The following PRKG1 variants were observed in gnomAD, a reference collection of about 807,000 sequenced individuals.
PRKG1 encodes the protein protein kinase cGMP-dependent 1, also known as cGMP-dependent protein kinase 1.
PRKG1 carries 35 observed loss-of-function variants against 88.1 expected under a neutral mutation model. The ratio of observed to expected loss-of-function variants is 0.40; its 90% CI spans 0.30 to 0.53. The LOEUF (loss-of-function observed/expected upper bound fraction) is 0.53. PRKG1 is among the 20% of genes least tolerant of loss of function. The pLI, the probability that PRKG1 is intolerant of heterozygous loss-of-function variation, is 0.59. For synonymous variants in PRKG1, 303 were observed against 292.5 expected, an observed-to-expected ratio of 1.04 and a Z score of -0.37; for missense variants, 540 against 839.8, an observed-to-expected ratio of 0.64 and a Z score of 4.41.
intron 7 of PRKG1, among the ~76,000 whole-genome samples, chr10:52,100,174 C>A (rs563861008): frequency 6.6e-6 from 1 of 152,112 alleles, no homozygotes; most frequent in Non-Finnish European, 1.5e-5. Flanking sequence ...ACAGTGAACT[C>A]ATGTAAAGAG....
chr10:51,221,876 CT>C (rs11405552), intron 2 of PRKG1, among the ~76,000 whole-genome samples: 2,562 of 127,108 alleles, frequency 0.02, 67 homozygotes, highest in African/African-American at 0.069. Context: ...TCTTTTCTTT[CT>C]TTTTTTTTTT....
chr10:51,065,672 T>A (rs10740127), intron 1 of PRKG1, among the ~76,000 whole-genome samples: 135,937 of 152,108 alleles, frequency 0.89, 60,945 homozygotes, highest in African/African-American at 0.97. Flanking sequence ...TGTTTTGCAT[T>A]TTAAATAAAT....
At chr10:51,454,105 C>T (rs535513811) in intron 2 of PRKG1, among the ~76,000 whole-genome samples, 1 of 152,058 alleles carries the variant, frequency 6.6e-6, no homozygotes, top group East Asian at 1.9e-4. Flanking sequence ...ACAGCACAAA[C>T]AAATGGAAAC....
At chr10:52,084,560 T>G (rs1211891134) in intron 7 of PRKG1, among the ~76,000 whole-genome samples, 1 of 152,070 alleles carries the variant, frequency 6.6e-6, no homozygotes, top group East Asian at 1.9e-4. Context: ...TCTAATATAT[T>G]GATATAAACA....
chr10:51,925,454 G>A (rs1020625005), intron 5 of PRKG1, among the ~76,000 whole-genome samples: 3 of 152,058 alleles, frequency 2.0e-5, no homozygotes, highest in Non-Finnish European at 4.4e-5. Flanking sequence ...TTAGGTGTCA[G>A]TATTTTAGCA....
At chr10:51,744,536 C>G (rs1032046299) in intron 3 of PRKG1, among the ~76,000 whole-genome samples, 3 of 152,180 alleles carry the variant, frequency 2.0e-5, no homozygotes, top group African/African-American at 7.2e-5. Flanking sequence ...CTCAGTATAG[C>G]TTTGTCCTAC....
At chr10:51,181,727 T>C (rs914264826) in intron 2 of PRKG1, among the ~76,000 whole-genome samples, 4 of 152,084 alleles carry the variant, frequency 2.6e-5, no homozygotes. Flanking sequence ...AAGAGATAGG[T>C]TCTATTATAT....
At chr10:51,798,321 T>G (rs1008616201) in intron 3 of PRKG1, among the ~76,000 whole-genome samples, 1 of 152,058 alleles carries the variant, frequency 6.6e-6, no homozygotes, top group Non-Finnish European at 1.5e-5. Context: ...CTATTTTATA[T>G]TTTTTAATAA....
chr10:52,225,246 A>G (rs1375652961), intron 9 of PRKG1, among the ~76,000 whole-genome samples: 1 of 152,004 alleles, frequency 6.6e-6, no homozygotes. Context: ...GATGTTGAGT[A>G]TGTTTTCATA....
At chr10:51,506,071 A>G (rs1199452768) in intron 3 of PRKG1, among the ~76,000 whole-genome samples, 1 of 152,172 alleles carries the variant, frequency 6.6e-6, no homozygotes, top group Non-Finnish European at 1.5e-5. Flanking sequence ...TCCCTAGTTA[A>G]TAAACGGTGC....
chr10:51,773,781 C>CT (rs1214511889), intron 3 of PRKG1, among the ~76,000 whole-genome samples: 1 of 152,030 alleles, frequency 6.6e-6, no homozygotes, highest in East Asian at 1.9e-4. Context: ...TTACACTCCT[C>CT]TTTTACATTT....
At chr10:51,835,311 T>A (rs1840105671) in intron 4 of PRKG1, among the ~76,000 whole-genome samples, 1 of 152,184 alleles carries the variant, frequency 6.6e-6, no homozygotes, top group South Asian at 2.1e-4. Context: ...TTGCAGAAAG[T>A]TTGTGTCCTA....
intron 1 of PRKG1, among the ~76,000 whole-genome samples, chr10:51,135,769 T>C (rs1416772027): frequency 2.0e-5 from 3 of 152,094 alleles, no homozygotes; most frequent in African/African-American, 7.2e-5. Context: ...GTTTTGGTAT[T>C]CAAAAGTTCG....
At chr10:52,259,299 T>G (rs1222599460) in intron 10 of PRKG1, among the ~76,000 whole-genome samples, 3 of 152,148 alleles carry the variant, frequency 2.0e-5, no homozygotes, top group Non-Finnish European at 4.4e-5. Context: ...CAAAAGTAGG[T>G]TATTTTGTAC....
chr10:51,241,632 G>A (rs750545950), intron 2 of PRKG1, among the ~76,000 whole-genome samples: 2 of 152,130 alleles, frequency 1.3e-5, no homozygotes, highest in African/African-American at 2.4e-5. Context: ...TAAAGTGACA[G>A]CATATGTCAC....
intron 1 of PRKG1, among the ~76,000 whole-genome samples, chr10:51,139,809 A>C (rs1055970231): frequency 6.6e-6 from 1 of 152,136 alleles, no homozygotes; most frequent in Non-Finnish European, 1.5e-5. Flanking sequence ...TTCCACCTGG[A>C]ATTGCTCCAG....
At chr10:52,291,525 G>A (rs978410176) in intron 17 of PRKG1, among the ~76,000 whole-genome samples, 2 of 151,040 alleles carry the variant, frequency 1.3e-5, no homozygotes, top group Admixed American at 1.3e-4. Context: ...TTGTTCTTGC[G>A]ATAGTTTACT....
chr10:51,782,846 C>T (rs1412999458), intron 3 of PRKG1, among the ~76,000 whole-genome samples: 2 of 152,090 alleles, frequency 1.3e-5, no homozygotes, highest in Non-Finnish European at 2.9e-5. Context: ...AACTGTAAGT[C>T]CAATTAAACC....
chr10:51,918,542 G>T (rs753135068), intron 5 of PRKG1, among the ~76,000 whole-genome samples: 1 of 152,122 alleles, frequency 6.6e-6, no homozygotes, highest in South Asian at 2.1e-4. Context: ...AAACCAATCT[G>T]CAATAAATCA....
Sources: gnomAD v4.1 joint callset for allele counts (sites outside exome capture counted in the v4.1 genomes callset) on GRCh38, gnomAD v4.1.1 for gene constraint, MANE v1.5 for transcripts, NCBI Gene and HGNC (gene_info 2026-07-23, HGNC 2026-07-21) for gene names.